The following ICE2 variants were observed in gnomAD, a reference collection of about 807,000 sequenced individuals.
ICE2 encodes interactor of little elongation complex ELL subunit 2, also known as little elongation complex subunit 2.
Under a neutral mutation model 105.4 loss-of-function variants are expected in ICE2, and 87 were observed. The observed-to-expected ratio is 0.83, with a 90% confidence interval of 0.69 to 0.99. The LOEUF (loss-of-function observed/expected upper bound fraction) is 0.99. Ranked by LOEUF, ICE2 falls within the 50% of genes least tolerant of loss-of-function variation. The pLI, the probability that ICE2 is intolerant of heterozygous loss-of-function variation, is 0.00. For synonymous variants in ICE2, 399 were observed against 392.0 expected, an observed-to-expected ratio of 1.02 and a Z score of -0.21; for missense variants, 1,323 against 1,146.7, an observed-to-expected ratio of 1.15 and a Z score of -2.22.
At chr15:60,458,203 T>A (rs79562579) in intron 5 of ICE2, among the ~76,000 whole-genome samples, 1,924 of 152,150 alleles carry the variant, frequency 0.013, 38 homozygotes, top group African/African-American at 0.042. Context: ...AGCAAAAAAA[T>A]GTTTTATATT....
At chr15:60,438,124 G>C (rs2063636939) in intron 12 of ICE2, 1 of 152,192 alleles carries the variant, frequency 6.6e-6, no homozygotes, top group African/African-American at 2.4e-5. Context: ...CCAAGGAAGA[G>C]TGACATAAAA....
At chr15:60,424,319 A>AC (rs776363264) in intron 15 of ICE2, among the ~76,000 whole-genome samples, 2 of 145,790 alleles carry the variant, frequency 1.4e-5, no homozygotes, top group Non-Finnish European at 3.0e-5. Context: ...AAGTTTCAAG[A>AC]CAAGAACCCA....
chr15:60,435,623 G>A (rs1050969741), intron 13 of ICE2, among the ~76,000 whole-genome samples: 4 of 147,598 alleles, frequency 2.7e-5, no homozygotes, highest in Non-Finnish European at 4.5e-5. Flanking sequence ...AAAATCACAT[G>A]TACCCCAAAA....
At chr15:60,461,632 T>C (rs925473283) in intron 5 of ICE2, among the ~76,000 whole-genome samples, 7 of 152,174 alleles carry the variant, frequency 4.6e-5, no homozygotes, top group African/African-American at 1.7e-4. Context: ...TATTGATCAC[T>C]AGTATTAATA....
intron 9 of ICE2, 105 bp from the exon 10 acceptor site, chr15:60,449,946 A>G: frequency 1.2e-6 from 1 of 822,548 alleles, no homozygotes; most frequent in South Asian, 1.7e-5. Context: ...CTTTTAAAGT[A>G]GAAAGAAAAG....
chr15:60,468,930 T>A (rs2064505311), intron 3 of ICE2, among the ~76,000 whole-genome samples: 1 of 152,234 alleles, frequency 6.6e-6, no homozygotes, highest in Non-Finnish European at 1.5e-5. Flanking sequence ...GAAATGACTT[T>A]ATGCTTTTCA....
intron 3 of ICE2, among the ~76,000 whole-genome samples, chr15:60,473,553 A>G (rs549125291): frequency 1.3e-5 from 2 of 152,228 alleles, no homozygotes; most frequent in East Asian, 1.9e-4. Flanking sequence ...CTGGCCTCCT[A>G]AAGGGCTGGT....
intron 9 of ICE2, chr15:60,453,011 A>C (rs933478176): frequency 5.9e-5 from 55 of 936,702 alleles, no homozygotes; most frequent in Non-Finnish European, 6.9e-5. Flanking sequence ...TGGGTGGATC[A>C]CCTGAAGTCA....
chr15:60,441,183 G>T (rs575514771), intron 12 of ICE2: 1 of 152,234 alleles, frequency 6.6e-6, no homozygotes, highest in East Asian at 1.9e-4. Flanking sequence ...GAGGAACATT[G>T]AAATTTTGGT....
intron 12 of ICE2, chr15:60,440,037 A>G (rs1432368292): frequency 1.3e-5 from 2 of 152,154 alleles, no homozygotes; most frequent in Admixed American, 1.3e-4. Flanking sequence ...ACTTTGGTAA[A>G]ATATCACATG....
chr15:60,472,282 G>A (rs1007682959), intron 3 of ICE2, among the ~76,000 whole-genome samples: 3 of 151,780 alleles, frequency 2.0e-5, no homozygotes, highest in Non-Finnish European at 4.4e-5. Context: ...GAGAGTAAAA[G>A]GAAAATTTTT....
At position 60,442,528 on chromosome 15, in the gene ICE2, T is replaced by C. The variant is rs891698865; in HGVS notation, c.2313A>G (p.Val771=). Residue 771 remains valine, a synonymous_variant, in exon 12 of 16, where the codon GTA becomes GTG. Transcript: ENST00000261520. ...AAGCTTGATACTCTACTTTTGGTAG[T>C]ACATAAACTGGAAATTGCTGCAATG... ...KKIRRQFPVY[V]LPKVEYQACY... is the part of the protein sequence containing the mutation. The C allele has an allele frequency of 1.3e-6, 2 of 1,568,508 alleles. No individual in the cohort carries two copies. Among genetic ancestry groups the C allele is most frequent in the Non-Finnish European group, 1.7e-6 (2 of 1,167,164 alleles).
At chr15:60,441,533 A>C (rs1023805789) in intron 12 of ICE2, 1 of 152,206 alleles carries the variant, frequency 6.6e-6, no homozygotes, top group Middle Eastern at 3.2e-3. Context: ...ATTGTCTAAC[A>C]GGAAGAAGGG....
intron 11 of ICE2, 89 bp from the exon 12 acceptor site, chr15:60,442,634 A>T (rs896372961): frequency 1.0e-6 from 1 of 1,001,742 alleles, no homozygotes; most frequent in African/African-American, 1.6e-5. Context: ...CCACTTTCAA[A>T]ATGCTTTCAG....
Position 60,442,470 on chromosome 15 carries a change from G to C in ICE2, c.2371C>G (p.Leu791Val), listed in dbSNP as rs1255834811. The stretch of plus-strand genomic sequence containing the variant: ...AAACTTTCAGTCCATAAGCGACAAA[G>C]TTCACTTTCAGTCAGAGCTTCAACT... ...YGVEALTESE[L>V]CRLWTESLLH... Residue 791 changes from leucine to valine, a missense_variant, in exon 12 of 16, where the codon CTT becomes GTT. Physicochemically the swap from Leu to Val is conservative, Grantham distance 32. Coordinates refer to ENST00000261520, the MANE Select transcript of ICE2 (RefSeq NM_024611.6). 2 of 1,601,074 alleles carry C rather than the reference G, an allele frequency of 1.2e-6. No homozygotes were observed. The highest frequency in any genetic ancestry group is 2.3e-5 in the South Asian group (2 of 87,436).
intron 12 of ICE2, chr15:60,439,153 G>A (rs2063662654): frequency 6.6e-6 from 1 of 151,830 alleles, no homozygotes. Context: ...CAATCAATAG[G>A]GAAAATTACA....
At chr15:60,460,875 T>C (rs751174321) in intron 5 of ICE2, among the ~76,000 whole-genome samples, 17 of 152,220 alleles carry the variant, frequency 1.1e-4, no homozygotes, top group African/African-American at 2.9e-4. Context: ...GAAATCAACA[T>C]AGACTTATTT....
In ICE2 at chr15:60,455,198, C is replaced by G. The variant is rs753676155; in HGVS notation, c.784-36G>C. The G allele has an allele frequency of 1.9e-6, 3 of 1,547,202 alleles. No homozygotes were observed. In the South Asian group the frequency reaches 3.8e-5, roughly 19 times the overall value. ...ACAAGTAATTTGTTACTTGGTTATA[C>G]TTATTGAAAATTTCTTCAATAAAGA... On this transcript the variant is annotated intron_variant, in intron 7 of 15. Coordinates refer to ENST00000261520, the MANE Select transcript of ICE2 (RefSeq NM_024611.6).
At chr15:60,436,041 TAA>T in intron 13 of ICE2, 100 bp downstream of exon 13, 2 of 524,180 alleles carry the variant, frequency 3.8e-6, no homozygotes, top group Non-Finnish European at 6.7e-6. Context: ...ATAAAAAGAC[TAA>T]AAGTCTTGAA....
Sources: gnomAD v4.1 joint callset for allele counts (sites outside exome capture counted in the v4.1 genomes callset) on GRCh38, gnomAD v4.1.1 for gene constraint, MANE v1.5 for transcripts, NCBI Gene and HGNC (gene_info 2026-07-23, HGNC 2026-07-21) for gene names.